The following TNN variants were observed in gnomAD, a reference collection of about 807,000 sequenced individuals.
The protein encoded by TNN is tenascin N.
TNN carries 122 observed loss-of-function variants against 134.4 expected under a neutral mutation model. That is an observed-to-expected ratio of 0.91 (90% CI 0.78 to 1.06). The LOEUF (loss-of-function observed/expected upper bound fraction) is 1.06, where lower values mean the gene tolerates loss of function less well. Ranked by LOEUF, TNN falls within the 50% of genes least tolerant of loss-of-function variation. The pLI, the probability that TNN is intolerant of heterozygous loss-of-function variation, is 0.00. For missense variants in TNN, 1,739 were observed against 1,699.4 expected (o/e 1.02, Z -0.41); for synonymous variants, 710 against 670.3 (o/e 1.06, Z -0.91).
At chr1:175,117,721 G>C (rs1172369110) in intron 10 of TNN, among the ~76,000 whole-genome samples, 2 of 152,144 alleles carry the variant, frequency 1.3e-5, no homozygotes, top group African/African-American at 4.8e-5. Flanking sequence ...AGAGAATAAT[G>C]AAGTAGTGAT....
chr1:175,082,504 T>C (rs1443375266), intron 4 of TNN, among the ~76,000 whole-genome samples: 2 of 152,162 alleles, frequency 1.3e-5, no homozygotes, highest in East Asian at 3.8e-4. Context: ...ATTACTCACC[T>C]CTTGACCTGG....
chr1:175,076,832 G>T (rs1674052267), intron 1 of TNN, among the ~76,000 whole-genome samples: 1 of 152,160 alleles, frequency 6.6e-6, no homozygotes, highest in African/African-American at 2.4e-5. Context: ...GTGCTGGTTG[G>T]CAAGTCATTT....
At chr1:175,088,154 C>T (rs1006878131) in intron 6 of TNN, among the ~76,000 whole-genome samples, 1 of 152,130 alleles carries the variant, frequency 6.6e-6, no homozygotes, top group African/African-American at 2.4e-5. Flanking sequence ...ATTAACTCAA[C>T]CTTTAGCAAC....
intron 6 of TNN, among the ~76,000 whole-genome samples, chr1:175,093,118 T>A (rs1340936235): frequency 6.6e-6 from 1 of 152,240 alleles, no homozygotes; most frequent in Non-Finnish European, 1.5e-5. Flanking sequence ...GTCATTACAA[T>A]GGCCTTCAAG....
At chr1:175,070,084 T>C (rs1673881687) in intron 1 of TNN, among the ~76,000 whole-genome samples, 1 of 152,186 alleles carries the variant, frequency 6.6e-6, no homozygotes, top group African/African-American at 2.4e-5. Context: ...AGGTCCCGTG[T>C]CTATTTTATC....
chr1:175,103,184 C>A (rs1463094699), intron 9 of TNN, among the ~76,000 whole-genome samples: 1 of 146,246 alleles, frequency 6.8e-6, no homozygotes, highest in Non-Finnish European at 1.5e-5. Context: ...TGCCACAGGA[C>A]CTAGAAAGGG....
rs748421933 is a variant in TNN, at chr1:175,077,530, C to G, written c.112C>G (p.Gln38Glu). The G allele has an allele frequency of 8.7e-6, 14 of 1,613,994 alleles. No homozygotes were observed. Among genetic ancestry groups the G allele is most frequent in the Non-Finnish European group, 9.3e-6 (11 of 1,180,040 alleles). Residue 38 changes from glutamine (Q) to glutamate (E), a missense_variant, in exon 2 of 19, where the codon CAA becomes GAA. Gln to Glu is a conservative substitution (Grantham distance 29, BLOSUM62 2). Coordinates refer to ENST00000239462, the MANE Select transcript of TNN (RefSeq NM_022093.2). ...GCCTCCCGGCTGCAGCAACAAGGAG[C>G]AACAGGTCACTGTCAGCCACACCTA... ...LEPPGCSNKE[Q>E]QVTVSHTYKI...
intron 7 of TNN, among the ~76,000 whole-genome samples, chr1:175,095,825 C>T (rs967658045): frequency 1.3e-5 from 2 of 152,198 alleles, no homozygotes; most frequent in Non-Finnish European, 2.9e-5. Flanking sequence ...CCACCCTCCT[C>T]GGCCTCCCAA....
intron 2 of TNN, 113 bp downstream of exon 2, chr1:175,077,940 C>A: frequency 8.9e-7 from 1 of 1,125,466 alleles, no homozygotes; most frequent in Non-Finnish European, 1.2e-6. Flanking sequence ...TCCTACTTCT[C>A]ATTCTGGGTT....
Position 175,118,673 on chromosome 1 carries a change from T to C in TNN, c.2499T>C (p.Ser833=). ...TIDRYVVHYT[S]ANGETREVPV... ...ACAGGTATGTGGTGCACTACACGTC[T>C]GCCAACGGAGAGACCAGGGAGGTTC... Residue 833 remains serine (S), a synonymous_variant, in exon 11 of 19, where the codon TCT becomes TCC. Coordinates refer to ENST00000239462, the MANE Select transcript of TNN (RefSeq NM_022093.2). The C allele has an allele frequency of 1.9e-6, 3 of 1,614,192 alleles. No individual in the cohort carries two copies. The highest frequency in any genetic ancestry group is 2.5e-6 in the Non-Finnish European group (3 of 1,180,022).
chr1:175,127,082 T>TA lies in TNN; in HGVS notation c.3044dup (p.Glu1016GlyfsTer17). On this transcript the variant is annotated frameshift_variant, in exon 13 of 19. Coordinates refer to ENST00000239462, the MANE Select transcript of TNN (RefSeq NM_022093.2). LOFTEE classifies it high-confidence loss of function. ...CTTACCAGTTCCCAGATGGCACAGTTAAGGTACGGGGATTCCTTGTCTTTT... is the reference window on the plus strand; with the variant it reads ...CTTACCAGTTCCCAGATGGCACAGTTAAAGGTACGGGGATTCCTTGTCTTTT... 6.2e-7 allele frequency: 1 copy of TA among 1,613,534 alleles called. No homozygotes were observed. The highest frequency in any genetic ancestry group is 8.5e-7 in the Non-Finnish European group (1 of 1,179,836).
chr1:175,141,840 A>G (rs1258860337), intron 17 of TNN, among the ~76,000 whole-genome samples: 1 of 152,122 alleles, frequency 6.6e-6, no homozygotes, highest in African/African-American at 2.4e-5. Context: ...CTCACTCTCT[A>G]CACTCTGAAC....
intron 10 of TNN, among the ~76,000 whole-genome samples, chr1:175,118,181 C>T (rs1371083521): frequency 6.6e-6 from 1 of 152,162 alleles, no homozygotes; most frequent in African/African-American, 2.4e-5. Flanking sequence ...TGATGTGAGA[C>T]ACAAAATTGT....
intron 18 of TNN, 127 bp from the exon 19 acceptor site, chr1:175,146,804 C>G: frequency 1.1e-6 from 1 of 936,976 alleles, no homozygotes; most frequent in South Asian, 2.7e-5. Context: ...CTCTTTCTCT[C>G]TCCTGAGCAG....
At chr1:175,117,851 C>T (rs1470121560) in intron 10 of TNN, among the ~76,000 whole-genome samples, 1 of 152,028 alleles carries the variant, frequency 6.6e-6, no homozygotes, top group African/African-American at 2.4e-5. Flanking sequence ...TGTACGTTGG[C>T]CAGAGTTTTG....
chr1:175,080,971 AC>A (rs1177003334), intron 4 of TNN, among the ~76,000 whole-genome samples: 1 of 152,244 alleles, frequency 6.6e-6, no homozygotes, highest in African/African-American at 2.4e-5. Flanking sequence ...AGATGTTGGT[AC>A]TTGGACCCAG....
chr1:175,137,826 G>A (rs770205295), intron 17 of TNN, among the ~76,000 whole-genome samples: 11 of 152,194 alleles, frequency 7.2e-5, no homozygotes, highest in African/African-American at 1.4e-4. Flanking sequence ...CAGACTGACC[G>A]ACTGTATAAG....
intron 9 of TNN, among the ~76,000 whole-genome samples, chr1:175,114,197 A>G (rs1265978525): frequency 6.6e-6 from 1 of 152,134 alleles, no homozygotes; most frequent in Non-Finnish European, 1.5e-5. Flanking sequence ...AACTTTCTAG[A>G]GTGGCTTTCT....
intron 11 of TNN, 91 bp downstream of exon 11, chr1:175,118,915 G>A: frequency 6.6e-7 from 1 of 1,520,248 alleles, no homozygotes; most frequent in Non-Finnish European, 8.9e-7. Context: ...TTTGGCATCT[G>A]TAACCTCAGG....
Sources: gnomAD v4.1 joint callset for allele counts (sites outside exome capture counted in the v4.1 genomes callset) on GRCh38, gnomAD v4.1.1 for gene constraint, MANE v1.5 for transcripts, NCBI Gene and HGNC (gene_info 2026-07-23, HGNC 2026-07-21) for gene names.